GANC: variants seen among roughly 807,000 people sequenced by gnomAD.
GANC encodes glucosidase alpha, neutral C.
Under a neutral mutation model 124.2 loss-of-function variants are expected in GANC, and 117 were observed. The observed-to-expected ratio is 0.94, with a 90% confidence interval of 0.81 to 1.10. The LOEUF (loss-of-function observed/expected upper bound fraction) is 1.10, where lower values mean the gene tolerates loss of function less well. GANC is among the 50% of genes least tolerant of loss of function. GANC has a pLI of 0.00. For synonymous variants in GANC, 377 were observed against 376.8 expected, an observed-to-expected ratio of 1.00 and a Z score of -0.01; for missense variants, 1,140 against 1,095.0, an observed-to-expected ratio of 1.04 and a Z score of -0.58.
At chr15:42,297,304 T>TC (rs2051901065) in intron 5 of GANC, among the ~76,000 whole-genome samples, 1 of 152,190 alleles carries the variant, frequency 6.6e-6, no homozygotes. Flanking sequence ...ATCATTACTG[T>TC]CCAATTTTAT....
intron 6 of GANC, among the ~76,000 whole-genome samples, chr15:42,298,205 T>C (rs1237776468): frequency 6.6e-6 from 1 of 152,080 alleles, no homozygotes; most frequent in Non-Finnish European, 1.5e-5. Context: ...TATTCAAAGA[T>C]GTGGAGGTAG....
intron 20 of GANC, among the ~76,000 whole-genome samples, chr15:42,347,236 T>C (rs963902125): frequency 6.6e-6 from 1 of 150,834 alleles, no homozygotes; most frequent in African/African-American, 2.4e-5. Flanking sequence ...TGTGGGGAGA[T>C]GGAAGTGCTT....
chr15:42,306,711 G>T, intron 7 of GANC, 99 bp downstream of exon 7: 1 of 710,670 alleles, frequency 1.4e-6, no homozygotes, highest in South Asian at 2.3e-5. Flanking sequence ...TAAAACAGGT[G>T]ACTTTAACAG....
At chr15:42,336,698 T>C (rs1197762685) in intron 15 of GANC, among the ~76,000 whole-genome samples, 1 of 152,004 alleles carries the variant, frequency 6.6e-6, no homozygotes, top group African/African-American at 2.4e-5. Context: ...TAATAGACAA[T>C]CTACAGAACG....
intron 20 of GANC, among the ~76,000 whole-genome samples, chr15:42,347,865 C>A (rs1434056357): frequency 1.3e-5 from 2 of 152,096 alleles, no homozygotes; most frequent in African/African-American, 4.8e-5. Context: ...AGATAACAAA[C>A]CAATGAAGGG....
In GANC at chr15:42,317,672, A is replaced by AAAACAG. The variant is rs931585292; in HGVS notation, c.1058-4111_1058-4110insACAGAA. Among the ~76,000 whole-genome samples, 252 of 152,058 alleles carry AAAACAG rather than the reference A, an allele frequency of 1.7e-3. 1 individual carries two copies. Among genetic ancestry groups the AAAACAG allele is most frequent in the African/African-American group, 5.9e-3 (245 of 41,494 alleles). ...GTACGTGAATTCAGTAAAGCTGTTA[A>AAAACAG]AAGTATTGCAGCATCATTTCTGCTG... On this transcript the variant is annotated intron_variant, in intron 10 of 23. Coordinates refer to ENST00000318010, the MANE Select transcript of GANC (RefSeq NM_198141.3).
chr15:42,313,095 A>G (rs998340666), intron 10 of GANC, among the ~76,000 whole-genome samples: 1 of 152,246 alleles, frequency 6.6e-6, no homozygotes, highest in African/African-American at 2.4e-5. Context: ...CCATGTCACC[A>G]TTATAATTTC....
chr15:42,315,666 G>C (rs2052095170), intron 10 of GANC, among the ~76,000 whole-genome samples: 1 of 152,154 alleles, frequency 6.6e-6, no homozygotes, highest in Admixed American at 6.5e-5. Flanking sequence ...TGGTACCCAG[G>C]TATTCAAACA....
At chr15:42,312,953 AAAAAG>A (rs1490465038) in intron 10 of GANC, among the ~76,000 whole-genome samples, 1 of 152,026 alleles carries the variant, frequency 6.6e-6, no homozygotes, top group Non-Finnish European at 1.5e-5. Flanking sequence ...AAAAAAAAAA[AAAAAG>A]AACATGCTAC....
At chr15:42,350,022 C>CTTT (rs753077889) in intron 22 of GANC, among the ~76,000 whole-genome samples, 1,783 of 74,908 alleles carry the variant, frequency 0.024, 5 homozygotes, top group Non-Finnish European at 0.035. Flanking sequence ...CTTTCCCCCA[C>CTTT]TTTTTTTTTT....
chr15:42,303,807 A>G (rs2051969482), intron 6 of GANC, among the ~76,000 whole-genome samples: 2 of 152,236 alleles, frequency 1.3e-5, no homozygotes, highest in African/African-American at 4.8e-5. Flanking sequence ...AGAGCTAACT[A>G]TCCTAAATAT....
chr15:42,322,350 C>T (rs1050079783), intron 11 of GANC, among the ~76,000 whole-genome samples: 1 of 152,142 alleles, frequency 6.6e-6, no homozygotes, highest in African/African-American at 2.4e-5. Context: ...CACACTTGCA[C>T]TAAGAGTATA....
At chr15:42,346,086 T>A (rs1267332809) in intron 20 of GANC, among the ~76,000 whole-genome samples, 3 of 152,192 alleles carry the variant, frequency 2.0e-5, no homozygotes, top group African/African-American at 7.2e-5. Context: ...AGGTGCTGTC[T>A]CAGTTTTCTT....
Position 42,276,336 on chromosome 15 carries a change from C to A in GANC, c.30-12C>A. On this transcript the variant is annotated splice_polypyrimidine_tract_variant and intron_variant, in intron 1 of 23. Coordinates refer to ENST00000318010, the MANE Select transcript of GANC (RefSeq NM_198141.3). ...GTGTGAAATAAATTTCTCAAAATGT[C>A]TTTTTATTTAGTCTTGAAGATGAAG... The A allele has an allele frequency of 7.7e-7, 1 of 1,290,630 alleles. No individual in the cohort carries two copies. The highest frequency in any genetic ancestry group is 1.9e-4 in the Middle Eastern group (1 of 5,330). 79.9% of individuals were successfully genotyped at this position (1,290,630 alleles called of 1,614,324 possible).
At position 42,273,206 on chromosome 15, in the gene GANC, C is replaced by T. The variant is rs939457769; in HGVS notation, c.-1276C>T. 6.2e-7 allele frequency: 1 copy of T among 1,608,302 alleles called. No homozygotes were observed. The highest frequency in any genetic ancestry group is 1.3e-5 in the African/African-American group (1 of 74,780). ...CATGGACCCCTTGGGCCGCCGTAGC[C>T]CCACCCCTTGCTCCTCTAGGTTCAG... On this transcript the variant is annotated 5_prime_UTR_variant, in exon 1 of 24. Coordinates refer to ENST00000318010, the MANE Select transcript of GANC (RefSeq NM_198141.3).
At chr15:42,286,691 C>T (rs79974464) in intron 3 of GANC, among the ~76,000 whole-genome samples, 1,887 of 152,282 alleles carry the variant, frequency 0.012, 25 homozygotes, top group South Asian at 0.03. Flanking sequence ...TCCCTGTTTT[C>T]GCAAGAGGCA....
At chr15:42,289,209 C>G (rs2051819472) in intron 4 of GANC, among the ~76,000 whole-genome samples, 1 of 152,096 alleles carries the variant, frequency 6.6e-6, no homozygotes, top group Non-Finnish European at 1.5e-5. Flanking sequence ...CAATCAGATG[C>G]ACTTAAAAAA....
chr15:42,316,875 T>C (rs2052110111), intron 10 of GANC, among the ~76,000 whole-genome samples: 1 of 152,338 alleles, frequency 6.6e-6, no homozygotes, highest in Non-Finnish European at 1.5e-5. Context: ...CCTCTTGCCT[T>C]CTAGGTCACT....
Position 42,310,858 on chromosome 15 carries a change from A to G in GANC, c.1057+12A>G. On this transcript the variant is annotated intron_variant, in intron 10 of 23. Transcript: ENST00000318010. The stretch of plus-strand genomic sequence containing the variant: ...CTCACACCTTACAGGTATTTGCACG[A>G]AGAAGTGCCAGTTTCTTGTTCTGTT... 6.2e-7 allele frequency: 1 copy of G among 1,604,296 alleles called. No homozygotes were observed. The highest frequency in any genetic ancestry group is 8.5e-7 in the Non-Finnish European group (1 of 1,171,728).
Sources: gnomAD v4.1 joint callset for allele counts (sites outside exome capture counted in the v4.1 genomes callset) on GRCh38, gnomAD v4.1.1 for gene constraint, MANE v1.5 for transcripts, NCBI Gene and HGNC (gene_info 2026-07-23, HGNC 2026-07-21) for gene names.